The following NTNG1 variants were observed in gnomAD, a reference collection of about 807,000 sequenced individuals.
NTNG1 encodes the protein netrin G1, also known as netrin-G1.
Under a neutral mutation model 54.0 loss-of-function variants are expected in NTNG1, and 16 were observed. That is an observed-to-expected ratio of 0.30 (90% CI 0.20 to 0.45). NTNG1 has a LOEUF of 0.45. Among genes scored for constraint, NTNG1 ranks in the 20% least tolerant of loss-of-function variants. The probability of loss-of-function intolerance (pLI) is 1.00; values close to 1 mark genes in which losing one functional copy is unlikely to be tolerated. For missense variants in NTNG1, 530 were observed against 678.7 expected (o/e 0.78, Z 2.43); for synonymous variants, 255 against 263.1 (o/e 0.97, Z 0.30).
chr1:107,376,417 C>CAAA (rs59015235), intron 3 of NTNG1, among the ~76,000 whole-genome samples: 4,166 of 147,922 alleles, frequency 0.028, 86 homozygotes, highest in Middle Eastern at 0.082. Context: ...CAAAACAAAA[C>CAAA]AAAAAAAAAA....
At chr1:107,207,022 GA>G (rs1357760213) in intron 2 of NTNG1, among the ~76,000 whole-genome samples, 5 of 151,784 alleles carry the variant, frequency 3.3e-5, no homozygotes, top group Admixed American at 1.3e-4. Context: ...TTTCTAAAAG[GA>G]AAAAAAATTA....
At chr1:107,369,125 A>G (rs1027898976) in intron 3 of NTNG1, among the ~76,000 whole-genome samples, 2 of 152,122 alleles carry the variant, frequency 1.3e-5, no homozygotes, top group African/African-American at 2.4e-5. Context: ...ATTGATGTGT[A>G]TTATTCCATT....
intron 5 of NTNG1, among the ~76,000 whole-genome samples, chr1:107,420,481 G>A (rs893186622): frequency 4.6e-5 from 7 of 151,962 alleles, no homozygotes; most frequent in African/African-American, 1.4e-4. Flanking sequence ...GAAATGGCAG[G>A]CAAACATAGA....
At chr1:107,478,546 T>C (rs998159683) in intron 7 of NTNG1, among the ~76,000 whole-genome samples, 3 of 152,192 alleles carry the variant, frequency 2.0e-5, no homozygotes, top group Non-Finnish European at 4.4e-5. Flanking sequence ...GCTTTTTTTT[T>C]CTAAAGGGGA....
At chr1:107,207,284 C>T (rs115747506) in intron 2 of NTNG1, among the ~76,000 whole-genome samples, 287 of 152,298 alleles carry the variant, frequency 1.9e-3, no homozygotes, top group African/African-American at 6.7e-3. Flanking sequence ...TTCATTTTGC[C>T]TCAAACACTT....
chr1:107,406,253 A>T (rs1673411468), intron 4 of NTNG1, among the ~76,000 whole-genome samples: 1 of 152,172 alleles, frequency 6.6e-6, no homozygotes, highest in Non-Finnish European at 1.5e-5. Flanking sequence ...GCAAGCTAAA[A>T]TGATTAGTTA....
intron 2 of NTNG1, among the ~76,000 whole-genome samples, chr1:107,202,894 AG>A (rs1414178756): frequency 6.6e-6 from 1 of 151,918 alleles, no homozygotes; most frequent in Non-Finnish European, 1.5e-5. Flanking sequence ...GTAATAATAG[AG>A]TATGTAATAT....
intron 2 of NTNG1, among the ~76,000 whole-genome samples, chr1:107,156,070 A>G (rs1017514016): frequency 4.6e-5 from 7 of 152,222 alleles, no homozygotes; most frequent in Admixed American, 3.3e-4. Flanking sequence ...TCACATAACA[A>G]CAAGATCACC....
chr1:107,314,411 A>G (rs6684745), intron 2 of NTNG1, among the ~76,000 whole-genome samples: 228 of 1,904 alleles, frequency 0.12, 7 homozygotes, highest in African/African-American at 0.14. Flanking sequence ...AAATAAATAA[A>G]TAAATAAATA....
intron 2 of NTNG1, among the ~76,000 whole-genome samples, chr1:107,310,608 T>A (rs192296091): frequency 5.3e-4 from 80 of 152,268 alleles, no homozygotes; most frequent in Non-Finnish European, 9.1e-4. Context: ...AATGAAACAT[T>A]GGCATGTTAT....
Position 107,433,156 on chromosome 1 carries a change from C to T in NTNG1, c.1255+2239C>T, listed in dbSNP as rs114646316. 5.7e-3 allele frequency among the ~76,000 whole-genome samples: 873 copies of T among 152,224 alleles called. 12 individuals are homozygous for T. Among genetic ancestry groups the T allele is most frequent in the African/African-American group, 0.02 (834 of 41,538 alleles). ...AAACTTTTGGAAAATTCCATTTTAT[C>T]GAGGTAAACCTGTTTCTATTTAGTA... On this transcript the variant is annotated intron_variant, in intron 6 of 7. Coordinates refer to ENST00000370068, the MANE Select transcript of NTNG1 (RefSeq NM_001113226.3).
At chr1:107,450,435 C>T (rs188521149) in intron 7 of NTNG1, among the ~76,000 whole-genome samples, 146 of 152,102 alleles carry the variant, frequency 9.6e-4, no homozygotes, top group African/African-American at 3.3e-3. Context: ...TATGGGCACG[C>T]AGTAAGATAA....
intron 2 of NTNG1, among the ~76,000 whole-genome samples, chr1:107,161,243 A>G (rs1453416399): frequency 1.3e-5 from 2 of 152,146 alleles, no homozygotes. Context: ...TGATATACAC[A>G]AGGTCTTTGG....
At chr1:107,187,300 T>C (rs1359802836) in intron 2 of NTNG1, among the ~76,000 whole-genome samples, 1 of 152,156 alleles carries the variant, frequency 6.6e-6, no homozygotes, top group Non-Finnish European at 1.5e-5. Flanking sequence ...AGGTACTCAA[T>C]AAGTAATTGA....
At chr1:107,194,284 C>T (rs1427656661) in intron 2 of NTNG1, among the ~76,000 whole-genome samples, 1 of 152,010 alleles carries the variant, frequency 6.6e-6, no homozygotes, top group Non-Finnish European at 1.5e-5. Context: ...GGTACCAGTG[C>T]AGGGAAGTCT....
chr1:107,450,200 G>A (rs888679258), intron 7 of NTNG1, among the ~76,000 whole-genome samples: 1 of 152,074 alleles, frequency 6.6e-6, no homozygotes, highest in East Asian at 1.9e-4. Flanking sequence ...GAAACCAAAT[G>A]TAATATTTGC....
At chr1:107,244,060 G>T (rs771451574) in intron 2 of NTNG1, among the ~76,000 whole-genome samples, 1 of 152,024 alleles carries the variant, frequency 6.6e-6, no homozygotes, top group Non-Finnish European at 1.5e-5. Context: ...ATAATTGCTG[G>T]AAGCTAAAAA....
intron 3 of NTNG1, among the ~76,000 whole-genome samples, chr1:107,368,963 C>T (rs1670755224): frequency 6.6e-6 from 1 of 152,194 alleles, no homozygotes; most frequent in Admixed American, 6.5e-5. Context: ...CCAGAAGTTT[C>T]TTCGTGCCCC....
intron 2 of NTNG1, among the ~76,000 whole-genome samples, chr1:107,250,764 G>A (rs1385986981): frequency 3.3e-5 from 5 of 152,046 alleles, no homozygotes; most frequent in African/African-American, 1.2e-4. Flanking sequence ...TGCTCCTGGA[G>A]AGGAAGAGAG....
Sources: allele counts gnomAD v4.1 joint callset (sites outside exome capture counted in the v4.1 genomes callset), GRCh38; gene constraint gnomAD v4.1.1; transcripts MANE v1.5; gene names NCBI Gene and HGNC (gene_info 2026-07-23, HGNC 2026-07-21).